The following RSF1 variants were observed in gnomAD, a reference collection of about 807,000 sequenced individuals.
The protein encoded by RSF1 is HBV pX-associated protein 8.
In RSF1, 13 loss-of-function variants were observed where a neutral mutation model predicts 145.2. The observed-to-expected ratio is 0.09, with a 90% CI of 0.06 to 0.14. The LOEUF is 0.14. Ranked by LOEUF, RSF1 falls within the 10% of genes least tolerant of loss-of-function variation. The pLI is 1.00. For missense variants in RSF1, 1,517 were observed against 1,718.2 expected, an observed-to-expected ratio of 0.88 and a Z score of 2.07; for synonymous variants, 577 against 592.6, an observed-to-expected ratio of 0.97 and a Z score of 0.38.
At chr11:77,674,655 A>G (rs1039378819) in intron 14 of RSF1, among the ~76,000 whole-genome samples, 2 of 152,232 alleles carry the variant, frequency 1.3e-5, no homozygotes, top group African/African-American at 4.8e-5. Flanking sequence ...TTAGTCAGAA[A>G]TAAGTCTTAA....
the RSF1 span, among the ~76,000 whole-genome samples, chr11:77,852,191 C>T: frequency 3.9e-5 from 4 of 102,768 alleles, no homozygotes; most frequent in African/African-American, 1.6e-4. Flanking sequence ...GTGAGCTTCA[C>T]TCCAGCCTGG....
At chr11:77,756,358 CAAA>C (rs936128985) in intron 2 of RSF1, among the ~76,000 whole-genome samples, 7 of 54,274 alleles carry the variant, frequency 1.3e-4, no homozygotes, top group Admixed American at 2.1e-4. Flanking sequence ...AACTCTGTCT[CAAA>C]AAAAAAAAAA....
intron 4 of RSF1, among the ~76,000 whole-genome samples, chr11:77,737,012 G>A (rs1331594995): frequency 2.0e-5 from 3 of 152,156 alleles, no homozygotes; most frequent in Non-Finnish European, 4.4e-5. Context: ...AATGATTTCT[G>A]AATGCTCCCA....
the RSF1 span, among the ~76,000 whole-genome samples, chr11:77,847,390 T>C: frequency 6.6e-6 from 1 of 152,222 alleles, no homozygotes; most frequent in Non-Finnish European, 1.5e-5. Flanking sequence ...CAGTTATGCC[T>C]ACAAAATTAG....
chr11:77,807,221 G>A (rs1460475865), intron 1 of RSF1, among the ~76,000 whole-genome samples: 2 of 152,128 alleles, frequency 1.3e-5, no homozygotes, highest in Non-Finnish European at 2.9e-5. Flanking sequence ...AGAAACTTCT[G>A]TCTTTTCCCA....
At chr11:77,813,820 G>GA (rs374331649) in intron 1 of RSF1, 1 of 168,112 alleles carries the variant, frequency 5.9e-6, no homozygotes, top group East Asian at 1.7e-4. Flanking sequence ...TTTGTAAAAG[G>GA]ACACACACAC....
intron 11 of RSF1, 86 bp downstream of exon 11, chr11:77,683,622 TGA>T: frequency 1.3e-6 from 1 of 785,940 alleles, no homozygotes; most frequent in East Asian, 2.5e-5. Flanking sequence ...ATAATCAGCA[TGA>T]TAGAAAAAGC....
intron 1 of RSF1, among the ~76,000 whole-genome samples, chr11:77,791,702 C>A (rs1408344993): frequency 1.3e-5 from 2 of 152,126 alleles, no homozygotes; most frequent in African/African-American, 4.8e-5. Context: ...GGGAAAATGT[C>A]GCCAGTCTCT....
intron 14 of RSF1, among the ~76,000 whole-genome samples, chr11:77,673,205 C>T (rs1959603145): frequency 6.6e-6 from 1 of 152,148 alleles, no homozygotes; most frequent in Admixed American, 6.6e-5. Context: ...AAATACAGAA[C>T]TCAAGATATA....
chr11:77,848,483 G>A, the RSF1 span, among the ~76,000 whole-genome samples: 65 of 151,790 alleles, frequency 4.3e-4, 1 homozygote, highest in African/African-American at 1.5e-3. Flanking sequence ...TCAGCCTCCC[G>A]AGTAGCTGGG....
chr11:77,773,011 T>C (rs1239200692), intron 1 of RSF1, among the ~76,000 whole-genome samples: 2 of 152,348 alleles, frequency 1.3e-5, no homozygotes, highest in Admixed American at 1.3e-4. Context: ...TTGTATCTGG[T>C]TTTTGATATT....
chr11:77,856,491 A>G, the RSF1 span, among the ~76,000 whole-genome samples: 1 of 151,774 alleles, frequency 6.6e-6, no homozygotes, highest in East Asian at 1.9e-4. Flanking sequence ...CCTGGTACCA[A>G]TTTTCTTTGT....
the RSF1 span, chr11:77,842,551 T>A: frequency 2.5e-6 from 4 of 1,614,054 alleles, no homozygotes; most frequent in Non-Finnish European, 3.4e-6. Context: ...AGTAAAAGGC[T>A]CTAATACAAC....
At chr11:77,686,345 T>C (rs1035345697) in intron 9 of RSF1, among the ~76,000 whole-genome samples, 5 of 140,736 alleles carry the variant, frequency 3.6e-5, no homozygotes, top group South Asian at 2.2e-4. Context: ...GAGTTGGAGG[T>C]TGCAGTGAGC....
At chr11:77,776,235 C>T (rs1011678769) in intron 1 of RSF1, among the ~76,000 whole-genome samples, 5 of 151,926 alleles carry the variant, frequency 3.3e-5, no homozygotes, top group Non-Finnish European at 5.9e-5. Context: ...CAAACAAAAA[C>T]GGGGAAAAAA....
intron 2 of RSF1, among the ~76,000 whole-genome samples, chr11:77,749,616 A>G (rs1420592088): frequency 6.6e-6 from 1 of 152,202 alleles, no homozygotes; most frequent in African/African-American, 2.4e-5. Context: ...GTAAAAGGGG[A>G]GGATAAAAAA....
chr11:77,682,948 G>C (rs17752006), intron 11 of RSF1, among the ~76,000 whole-genome samples: 33,470 of 152,130 alleles, frequency 0.22, 3,753 homozygotes, highest in Middle Eastern at 0.26. Flanking sequence ...GATAGAGTTG[G>C]AGAGGGAAGT....
At chr11:77,723,543 T>C (rs1301551994) in intron 5 of RSF1, among the ~76,000 whole-genome samples, 1 of 152,172 alleles carries the variant, frequency 6.6e-6, no homozygotes, top group Non-Finnish European at 1.5e-5. Context: ...AAAGCAGAAA[T>C]TGGGCTTAGA....
chr11:77,872,152 T>C, the RSF1 span: 1 of 1,607,040 alleles, frequency 6.2e-7, no homozygotes, highest in South Asian at 1.1e-5. Context: ...CCCTACTTAC[T>C]CATCTCTTTT....
Sources: gnomAD v4.1 joint callset for allele counts (sites outside exome capture counted in the v4.1 genomes callset) on GRCh38, gnomAD v4.1.1 for gene constraint, MANE v1.5 for transcripts, NCBI Gene and HGNC (gene_info 2026-07-23, HGNC 2026-07-21) for gene names.